CMIP: variants seen among roughly 807,000 people sequenced by gnomAD.
CMIP encodes c-Maf inducing protein, also known as C-Maf-inducing protein.
Under a neutral mutation model 97.3 loss-of-function variants are expected in CMIP, and 13 were observed. That is an observed-to-expected ratio of 0.13 (90% confidence interval 0.09 to 0.21). The LOEUF (loss-of-function observed/expected upper bound fraction) is 0.21, where lower values mean the gene tolerates loss of function less well. CMIP is among the 10% of genes least tolerant of loss of function. CMIP has a pLI of 1.00. For synonymous variants in CMIP, 538 were observed against 436.3 expected, an observed-to-expected ratio of 1.23 and a Z score of -2.91; for missense variants, 847 against 1,024.9, an observed-to-expected ratio of 0.83 and a Z score of 2.37.
intron 1 of CMIP, among the ~76,000 whole-genome samples, chr16:81,538,745 A>G (rs914250354): frequency 1.3e-5 from 2 of 152,296 alleles, no homozygotes; most frequent in Admixed American, 1.3e-4. Context: ...AGAAAAAGGC[A>G]TTAAGTTCAA....
intron 1 of CMIP, among the ~76,000 whole-genome samples, chr16:81,451,078 T>C (rs1263356138): frequency 1.3e-5 from 2 of 152,222 alleles, no homozygotes; most frequent in Non-Finnish European, 2.9e-5. Flanking sequence ...CCCCTGTTGA[T>C]GGGCATTGAG....
intron 10 of CMIP, 66 bp from the exon 11 acceptor site, chr16:81,691,709 C>T: frequency 1.4e-6 from 2 of 1,417,810 alleles, no homozygotes; most frequent in Admixed American, 1.8e-5. Flanking sequence ...CCATCTGGGA[C>T]CAAAAACAGT....
At chr16:81,482,028 G>A (rs1264630433) in intron 1 of CMIP, among the ~76,000 whole-genome samples, 1 of 152,012 alleles carries the variant, frequency 6.6e-6, no homozygotes, top group Non-Finnish European at 1.5e-5. Context: ...ATAGGTGTGC[G>A]CCACCACACC....
chr16:81,512,212 G>A (rs550404540), intron 1 of CMIP, among the ~76,000 whole-genome samples: 63 of 152,258 alleles, frequency 4.1e-4, no homozygotes, highest in Admixed American at 7.8e-4. Flanking sequence ...GGTTGATTTG[G>A]ATTAAAATTT....
chr16:81,679,752 G>A (rs1370611194), intron 10 of CMIP, among the ~76,000 whole-genome samples: 1 of 152,094 alleles, frequency 6.6e-6, no homozygotes, highest in African/African-American at 2.4e-5. Context: ...GGGGAGTACA[G>A]TTCTTAATCC....
intron 1 of CMIP, among the ~76,000 whole-genome samples, chr16:81,473,968 C>T (rs758006718): frequency 3.3e-5 from 5 of 152,134 alleles, no homozygotes; most frequent in Non-Finnish European, 5.9e-5. Flanking sequence ...CAGCTCTAGA[C>T]GACTCCCATC....
intron 6 of CMIP, 62 bp downstream of exon 6, chr16:81,661,008 A>G (rs1297481053): frequency 4.4e-6 from 7 of 1,603,632 alleles, no homozygotes; most frequent in Middle Eastern, 1.7e-4. Context: ...TGCGCATACC[A>G]GGGATTGGGT....
chr16:81,524,764 G>A (rs185826117), intron 1 of CMIP, among the ~76,000 whole-genome samples: 165 of 151,858 alleles, frequency 1.1e-3, no homozygotes, highest in Non-Finnish European at 5.6e-4. Context: ...GCCTTCCCAT[G>A]TTCTGCAGGG....
intron 10 of CMIP, among the ~76,000 whole-genome samples, chr16:81,685,629 C>T (rs1212384306): frequency 2.0e-5 from 3 of 151,954 alleles, no homozygotes; most frequent in South Asian, 4.2e-4. Flanking sequence ...ACTGCAGCCT[C>T]GAACTGCCAG....
chr16:81,604,789 G>A (rs1241770231), intron 1 of CMIP, among the ~76,000 whole-genome samples: 2 of 152,200 alleles, frequency 1.3e-5, no homozygotes, highest in South Asian at 2.1e-4. Flanking sequence ...TCAAAGCCAC[G>A]TTAAGACAGC....
chr16:81,659,826 G>T (rs1230524073), intron 5 of CMIP, among the ~76,000 whole-genome samples: 1 of 152,194 alleles, frequency 6.6e-6, no homozygotes, highest in Non-Finnish European at 1.5e-5. Flanking sequence ...GAAAGAATTT[G>T]ATCTGAGGGT....
intron 1 of CMIP, among the ~76,000 whole-genome samples, chr16:81,515,693 C>G (rs1054787361): frequency 6.6e-6 from 1 of 152,206 alleles, no homozygotes; most frequent in Non-Finnish European, 1.5e-5. Context: ...AGGTTGGTAG[C>G]TGTGCCAGTC....
chr16:81,535,523 G>C (rs1336261341), intron 1 of CMIP, among the ~76,000 whole-genome samples: 2 of 147,942 alleles, frequency 1.4e-5, no homozygotes, highest in African/African-American at 5.0e-5. Context: ...AGTGGAGCTA[G>C]TCAGAAAAAG....
At chr16:81,672,627 A>G (rs75673085) in intron 9 of CMIP, among the ~76,000 whole-genome samples, 8,626 of 152,244 alleles carry the variant, frequency 0.057, 285 homozygotes, top group East Asian at 0.15. Context: ...TTGTGCGGCA[A>G]TACAGTGGTG....
At chr16:81,671,114 C>A (rs2092679892) in intron 8 of CMIP, among the ~76,000 whole-genome samples, 1 of 152,230 alleles carries the variant, frequency 6.6e-6, no homozygotes, top group Non-Finnish European at 1.5e-5. Context: ...TAGGCGTGAA[C>A]TGCTGCCCCC....
At chr16:81,570,659 G>C (rs779277147) in intron 1 of CMIP, among the ~76,000 whole-genome samples, 3 of 152,130 alleles carry the variant, frequency 2.0e-5, no homozygotes, top group Non-Finnish European at 2.9e-5. Flanking sequence ...CCTGAGGAAA[G>C]GCTCTCCCTG....
At chr16:81,590,903 C>A (rs1237428816) in intron 1 of CMIP, among the ~76,000 whole-genome samples, 2 of 152,162 alleles carry the variant, frequency 1.3e-5, no homozygotes, top group African/African-American at 4.8e-5. Context: ...TGGTTTAGAT[C>A]AGGGTTGGAC....
intron 1 of CMIP, among the ~76,000 whole-genome samples, chr16:81,510,114 C>T (rs2089782608): frequency 6.6e-6 from 1 of 152,176 alleles, no homozygotes; most frequent in Non-Finnish European, 1.5e-5. Flanking sequence ...GTGACTTTGT[C>T]TCTTGGGCCT....
At chr16:81,693,747 G>A (rs1042686463) in intron 13 of CMIP, among the ~76,000 whole-genome samples, 3 of 152,224 alleles carry the variant, frequency 2.0e-5, no homozygotes, top group Non-Finnish European at 2.9e-5. Flanking sequence ...CTTGATTTCG[G>A]GCTGGGCTGG....
Sources: gnomAD v4.1 joint callset for allele counts (sites outside exome capture counted in the v4.1 genomes callset) on GRCh38, gnomAD v4.1.1 for gene constraint, MANE v1.5 for transcripts, NCBI Gene and HGNC (gene_info 2026-07-23, HGNC 2026-07-21) for gene names.